Variants in CSMD1 observed in about 807,000 individuals in gnomAD.
CSMD1 encodes the protein CUB and sushi domain-containing protein 1.
In CSMD1, 213 loss-of-function variants were observed where a neutral mutation model predicts 417.5. The ratio of observed to expected loss-of-function variants is 0.51; its 90% confidence interval spans 0.46 to 0.57. The LOEUF is 0.57. Among genes scored for constraint, CSMD1 ranks in the 20% least tolerant of loss-of-function variants. The pLI is 0.00. For missense variants in CSMD1, 6,923 were observed against 4,529.7 expected (o/e 1.53, Z -15.17); for synonymous variants, 2,862 against 1,736.8 (o/e 1.65, Z -16.11).
intron 47 of CSMD1, among the ~76,000 whole-genome samples, chr8:3,095,852 A>G (rs1815257647): frequency 6.6e-6 from 1 of 152,226 alleles, no homozygotes; most frequent in African/African-American, 2.4e-5. Context: ...TTTTAATCAT[A>G]TCACTGTTAA....
At chr8:4,560,662 AACAACCTTAACTCTTT>A (rs1798290273) in intron 2 of CSMD1, among the ~76,000 whole-genome samples, 1 of 152,320 alleles carries the variant, frequency 6.6e-6, no homozygotes, top group African/African-American at 2.4e-5. Context: ...TTCTGAATAA[AACAACCTTAACTCTTT>A]ACAAGCAAGA....
At chr8:4,710,195 A>G (rs1347198220) in intron 1 of CSMD1, among the ~76,000 whole-genome samples, 1 of 151,996 alleles carries the variant, frequency 6.6e-6, no homozygotes, top group African/African-American at 2.4e-5. Context: ...ACACAAGATA[A>G]AATATATATA....
At chr8:4,036,281 G>A (rs913418717) in intron 3 of CSMD1, among the ~76,000 whole-genome samples, 2 of 152,118 alleles carry the variant, frequency 1.3e-5, no homozygotes, top group Non-Finnish European at 2.9e-5. Flanking sequence ...TCAAGATGCT[G>A]TTGTTATGGT....
chr8:3,774,247 C>A (rs981938400), intron 5 of CSMD1, among the ~76,000 whole-genome samples: 1 of 152,136 alleles, frequency 6.6e-6, no homozygotes, highest in Admixed American at 6.5e-5. Flanking sequence ...GCCACTTGCT[C>A]TGTAAATTCT....
intron 3 of CSMD1, among the ~76,000 whole-genome samples, chr8:4,222,390 CTGTAAACAGAATAAGAAGCTTCCATCT>C (rs1563297231): frequency 6.0e-5 from 9 of 149,206 alleles, no homozygotes; most frequent in African/African-American, 2.2e-4. Flanking sequence ...CCATCTTATT[CTGTAAACAGAATAAGAAGCTTCCATCT>C]TATTCTGTAA....
chr8:4,717,135 T>G (rs1312763340), intron 1 of CSMD1, among the ~76,000 whole-genome samples: 2 of 151,128 alleles, frequency 1.3e-5, no homozygotes, highest in Admixed American at 1.3e-4. Context: ...AAATAATCAT[T>G]AGGAAAAAAA....
chr8:4,378,413 G>T (rs748037153), intron 3 of CSMD1, among the ~76,000 whole-genome samples: 1 of 152,154 alleles, frequency 6.6e-6, no homozygotes, highest in Non-Finnish European at 1.5e-5. Context: ...TAAAACAGAA[G>T]AGCATGATAT....
intron 1 of CSMD1, among the ~76,000 whole-genome samples, chr8:4,988,156 T>C (rs1183867120): frequency 2.0e-5 from 3 of 152,238 alleles, no homozygotes; most frequent in African/African-American, 7.2e-5. Flanking sequence ...TTTATGTTCT[T>C]GATCTCATGT....
chr8:4,804,220 G>C (rs1463585033), intron 1 of CSMD1, among the ~76,000 whole-genome samples: 1 of 152,052 alleles, frequency 6.6e-6, no homozygotes, highest in Non-Finnish European at 1.5e-5. Flanking sequence ...TATTTAACTA[G>C]ATGAGTTAAA....
chr8:3,524,493 G>A (rs1797670382), intron 10 of CSMD1, among the ~76,000 whole-genome samples: 3 of 138,534 alleles, frequency 2.2e-5, no homozygotes, highest in Admixed American at 2.2e-4. Flanking sequence ...GCACACACAA[G>A]TACACACATG....
chr8:3,223,589 C>T (rs1798331517), intron 28 of CSMD1, 140 bp downstream of exon 28: 4 of 753,090 alleles, frequency 5.3e-6, no homozygotes, highest in Non-Finnish European at 8.5e-6. Flanking sequence ...CATTTTGCAG[C>T]CTGGTGTAGT....
chr8:3,220,718 C>G (rs1184749975), intron 28 of CSMD1, among the ~76,000 whole-genome samples: 3 of 152,170 alleles, frequency 2.0e-5, no homozygotes, highest in Non-Finnish European at 4.4e-5. Flanking sequence ...GTAGTCCCAG[C>G]TGCTCGGGAG....
chr8:3,982,175 T>A lies in CSMD1; in HGVS notation c.818+15728A>T, dbSNP rs540133650. On this transcript the variant is annotated intron_variant, in intron 5 of 69. Transcript: ENST00000635120. ...TCTATCTCAAAAATAATAATAATAA[T>A]AATAATAATAATAATATTAATAAAA... Among the ~76,000 whole-genome samples the A allele has an allele frequency of 6.9e-5, 9 of 129,902 alleles. 1 individual carries two copies. The South Asian group carries it at 2.2e-3, about 32-fold the overall frequency. 85.2% of individuals were successfully genotyped at this position (129,902 alleles called of 152,430 possible).
At chr8:3,533,587 T>C (rs1024751660) in intron 10 of CSMD1, among the ~76,000 whole-genome samples, 5 of 152,182 alleles carry the variant, frequency 3.3e-5, no homozygotes, top group African/African-American at 9.7e-5. Flanking sequence ...TGAATGAGAA[T>C]CTCAGGGAAG....
At chr8:3,909,195 G>T (rs1808296693) in intron 5 of CSMD1, among the ~76,000 whole-genome samples, 1 of 152,180 alleles carries the variant, frequency 6.6e-6, no homozygotes, top group Admixed American at 6.5e-5. Flanking sequence ...ATTTGTGGAT[G>T]TGACAGGCTG....
At chr8:4,739,468 G>A (rs1182327438) in intron 1 of CSMD1, among the ~76,000 whole-genome samples, 1 of 152,126 alleles carries the variant, frequency 6.6e-6, no homozygotes, top group Non-Finnish European at 1.5e-5. Flanking sequence ...TTATCTAATT[G>A]AATTTGTTGT....
intron 1 of CSMD1, among the ~76,000 whole-genome samples, chr8:4,943,623 G>C (rs907400520): frequency 7.9e-5 from 12 of 151,994 alleles, no homozygotes; most frequent in Non-Finnish European, 1.2e-4. Context: ...AAATGAAAAG[G>C]GTGTGATGAT....
rs118116732 is a variant in CSMD1 at position 3,560,677 on chromosome 8, G to A, written c.1344+14268C>T. Among the ~76,000 whole-genome samples the A allele has an allele frequency of 4.6e-3, 704 of 152,224 alleles. 4 individuals carry two copies. Among genetic ancestry groups the A allele is most frequent in the Non-Finnish European group, 7.7e-3 (524 of 67,996 alleles). On this transcript the variant is annotated intron_variant, in intron 10 of 69. Transcript: ENST00000635120. ...TTCTATTGTCTTTTACTGTCTTCAT[G>A]GAAACCATGAATTTCTCTCAGGGTA... is the stretch of plus-strand genomic sequence containing the variant.
intron 17 of CSMD1, among the ~76,000 whole-genome samples, chr8:3,391,544 G>C (rs893667461): frequency 1.3e-5 from 2 of 152,154 alleles, no homozygotes; most frequent in Non-Finnish European, 2.9e-5. Flanking sequence ...CGTAAAGAAT[G>C]GCTAGACTGT....
Sources: allele counts gnomAD v4.1 joint callset (sites outside exome capture counted in the v4.1 genomes callset), GRCh38; gene constraint gnomAD v4.1.1; transcripts MANE v1.5; gene names NCBI Gene and HGNC (gene_info 2026-07-23, HGNC 2026-07-21).